Variants in PIGL observed in about 807,000 individuals in gnomAD.
The protein encoded by PIGL is phosphatidylinositol glycan anchor biosynthesis class L.
PIGL carries 22 observed loss-of-function variants against 31.1 expected under a neutral mutation model. The observed-to-expected ratio is 0.71, with a 90% CI of 0.51 to 1.01. The LOEUF (loss-of-function observed/expected upper bound fraction) is 1.01, where lower values mean the gene tolerates loss of function less well. Among genes scored for constraint, PIGL ranks in the 50% least tolerant of loss-of-function variants. PIGL has a pLI of 0.00. For missense variants in PIGL, 302 were observed against 315.9 expected (o/e 0.96, Z 0.33); for synonymous variants, 131 against 117.4 (o/e 1.12, Z -0.75).
At chr17:16,293,081 C>A (rs1600832664) in intron 2 of PIGL, among the ~76,000 whole-genome samples, 1 of 152,170 alleles carries the variant, frequency 6.6e-6, no homozygotes, top group Non-Finnish European at 1.5e-5. Context: ...GATAGTTAGT[C>A]TAAAAGGAGT....
intron 6 of PIGL, among the ~76,000 whole-genome samples, chr17:16,319,942 C>T (rs117527434): frequency 0.027 from 4,063 of 151,734 alleles, 80 homozygotes; most frequent in Middle Eastern, 0.071. Context: ...TCTCCAGGTG[C>T]ATCCCCCTGT....
intron 1 of PIGL, among the ~76,000 whole-genome samples, chr17:16,218,761 C>T (rs570571643): frequency 1.7e-4 from 25 of 149,376 alleles, no homozygotes; most frequent in African/African-American, 6.2e-4. Context: ...TCACTGCAAC[C>T]TCCACCACCC....
intron 2 of PIGL, among the ~76,000 whole-genome samples, chr17:16,256,933 C>T (rs1406241805): frequency 6.6e-6 from 1 of 151,940 alleles, no homozygotes; most frequent in African/African-American, 2.4e-5. Context: ...AATGATCTGC[C>T]CACTTCAGCC....
At position 16,259,704 on chromosome 17, in the gene PIGL, G is replaced by A. The variant is rs557855705; in HGVS notation, c.335+25634G>A. ...GCAGCAGCGGCCTGTTTGGAGTGGT[G>A]GCTACTGCCATGACACCAGCATTGA... On this transcript the variant is annotated intron_variant, in intron 2 of 6. Transcript: ENST00000225609. Among the ~76,000 whole-genome samples the A allele has an allele frequency of 6.6e-4, 101 of 152,286 alleles. 2 individuals carry two copies. The South Asian group carries it at 0.021, about 31-fold the overall frequency.
At chr17:16,224,217 G>A (rs1180063176) in intron 1 of PIGL, among the ~76,000 whole-genome samples, 10 of 152,136 alleles carry the variant, frequency 6.6e-5, no homozygotes, top group East Asian at 1.9e-4. Flanking sequence ...GCAAGACTCC[G>A]TCTCAGGGGG....
chr17:16,318,029 T>C (rs2093085910), intron 6 of PIGL, 121 bp downstream of exon 6: 2 of 785,064 alleles, frequency 2.5e-6, no homozygotes, highest in Non-Finnish European at 4.2e-6. Flanking sequence ...TCAGCACCTG[T>C]CCCTGAGAAT....
chr17:16,306,592 G>A (rs955685839), intron 3 of PIGL, among the ~76,000 whole-genome samples: 6 of 146,938 alleles, frequency 4.1e-5, no homozygotes, highest in Admixed American at 1.4e-4. Context: ...GCAATGGCGC[G>A]ATCTCAGCTC....
rs183281362 is a variant in PIGL, at chr17:16,304,711, G to A, written c.426+4733G>A. On this transcript the variant is annotated intron_variant, in intron 3 of 6. Transcript: ENST00000225609. ...CTGGGTGTTAAGCAGGCTAGGTCCT[G>A]GGCCTCAACCCCTCTACCTCAACTT... is the stretch of plus-strand genomic sequence containing the variant. Among the ~76,000 whole-genome samples the A allele has an allele frequency of 3.9e-5, 6 of 152,290 alleles. No individual in the cohort carries two copies. In the East Asian group the frequency reaches 1.2e-3, roughly 29 times the overall value.
chr17:16,239,050 T>C (rs141623005), intron 2 of PIGL, among the ~76,000 whole-genome samples: 1 of 151,144 alleles, frequency 6.6e-6, no homozygotes, highest in African/African-American at 2.4e-5. Flanking sequence ...ACCTGAAAAT[T>C]TAGCTAGGTG....
chr17:16,323,222 G>C (rs1351503387), intron 6 of PIGL, among the ~76,000 whole-genome samples: 3 of 151,766 alleles, frequency 2.0e-5, no homozygotes, highest in Non-Finnish European at 4.4e-5. Flanking sequence ...ATGGCTGTGT[G>C]TGTATATGTG....
At chr17:16,320,554 A>G (rs569959072) in intron 6 of PIGL, among the ~76,000 whole-genome samples, 107 of 146,420 alleles carry the variant, frequency 7.3e-4, no homozygotes, top group African/African-American at 2.4e-3. Context: ...AGGAAGGAAG[A>G]AAGGAAGGAA....
chr17:16,249,768 C>T (rs762321936), intron 2 of PIGL, among the ~76,000 whole-genome samples: 11 of 152,198 alleles, frequency 7.2e-5, no homozygotes, highest in Non-Finnish European at 1.6e-4. Flanking sequence ...CTTTTTGCTC[C>T]ATGTGGGTCC....
intron 3 of PIGL, among the ~76,000 whole-genome samples, chr17:16,309,337 GCAAA>G (rs2093038803): frequency 2.0e-5 from 3 of 152,188 alleles, no homozygotes; most frequent in African/African-American, 7.2e-5. Flanking sequence ...GACCTAAAGA[GCAAA>G]GCGATAAAGC....
intron 2 of PIGL, among the ~76,000 whole-genome samples, chr17:16,257,111 A>G (rs2092797116): frequency 6.6e-6 from 1 of 151,944 alleles, no homozygotes. Flanking sequence ...AAAAAAAATT[A>G]ATGTCCTTAA....
At chr17:16,276,522 C>A (rs1379611725) in intron 2 of PIGL, among the ~76,000 whole-genome samples, 1 of 152,206 alleles carries the variant, frequency 6.6e-6, no homozygotes, top group Non-Finnish European at 1.5e-5. Context: ...CACCTGAGGT[C>A]AAGAGTTTGA....
rs1217284337 is a variant in PIGL, at chr17:16,310,721, G to A, written c.427-2826G>A. ...CCAGCTCATTTTTGTATTTTTAGTA[G>A]AGAGGGTTTCGCCATGTTGGCCAGG... On this transcript the variant is annotated intron_variant, in intron 3 of 6. Coordinates refer to ENST00000225609, the MANE Select transcript of PIGL (RefSeq NM_004278.4). Among the ~76,000 whole-genome samples, 4 of 152,150 alleles carry A rather than the reference G, an allele frequency of 2.6e-5. No homozygotes were observed. The South Asian group carries it at 6.2e-4, about 24-fold the overall frequency.
intron 1 of PIGL, among the ~76,000 whole-genome samples, chr17:16,231,378 G>A (rs2092678819): frequency 6.6e-6 from 1 of 151,540 alleles, no homozygotes; most frequent in African/African-American, 2.4e-5. Context: ...GGGACTACAG[G>A]CGTGAGCCAC....
chr17:16,260,936 G>C (rs2092816729), intron 2 of PIGL, among the ~76,000 whole-genome samples: 1 of 151,968 alleles, frequency 6.6e-6, no homozygotes, highest in African/African-American at 2.4e-5. Context: ...TGACCAACAT[G>C]GTGAAACCCC....
At chr17:16,259,049 G>A (rs1373061947) in intron 2 of PIGL, among the ~76,000 whole-genome samples, 7 of 152,166 alleles carry the variant, frequency 4.6e-5, no homozygotes, top group Non-Finnish European at 8.8e-5. Context: ...GAGAGCCCTT[G>A]GGACAAGTAA....
Sources: gnomAD v4.1 joint callset for allele counts (sites outside exome capture counted in the v4.1 genomes callset) on GRCh38, gnomAD v4.1.1 for gene constraint, MANE v1.5 for transcripts, NCBI Gene and HGNC (gene_info 2026-07-23, HGNC 2026-07-21) for gene names.